The following FRMD4B variants were observed in gnomAD, a reference collection of about 807,000 sequenced individuals.
FRMD4B encodes FERM domain-containing protein 4B.
A neutral mutation model predicts 141.5 loss-of-function variants in FRMD4B; 74 were observed. The observed-to-expected ratio is 0.52, with a 90% CI of 0.43 to 0.63. The LOEUF is 0.63. Among genes scored for constraint, FRMD4B ranks in the 30% least tolerant of loss-of-function variants. The probability of loss-of-function intolerance (pLI) is 0.00; values close to 1 mark genes in which losing one functional copy is unlikely to be tolerated. For missense variants in FRMD4B, 1,366 were observed against 1,253.4 expected (o/e 1.09, Z -1.36); for synonymous variants, 506 against 467.9 (o/e 1.08, Z -1.05).
chr3:69,460,228 C>T (rs1024664848), intron 1 of FRMD4B, among the ~76,000 whole-genome samples: 1 of 152,182 alleles, frequency 6.6e-6, no homozygotes, highest in Non-Finnish European at 1.5e-5. Context: ...AGTTACGATG[C>T]CAGATGACAA....
At chr3:69,492,854 G>C (rs1313305534) in intron 1 of FRMD4B, among the ~76,000 whole-genome samples, 2 of 152,140 alleles carry the variant, frequency 1.3e-5, no homozygotes, top group Non-Finnish European at 2.9e-5. Context: ...CTTCATGGCT[G>C]GTAAACGTTT....
chr3:69,503,825 C>T (rs1212020431), intron 1 of FRMD4B, among the ~76,000 whole-genome samples: 1 of 152,170 alleles, frequency 6.6e-6, no homozygotes, highest in African/African-American at 2.4e-5. Context: ...TCCCACTGCA[C>T]TACCTTGAGT....
intron 7 of FRMD4B, among the ~76,000 whole-genome samples, 159 bp from the exon 8 acceptor site, chr3:69,224,849 T>TA (rs2093234989): frequency 6.6e-6 from 1 of 152,234 alleles, no homozygotes; most frequent in South Asian, 2.1e-4. Context: ...CCCCCAAATT[T>TA]AACAACTGAG....
At chr3:69,500,803 T>A (rs769958043) in intron 1 of FRMD4B, among the ~76,000 whole-genome samples, 1 of 151,562 alleles carries the variant, frequency 6.6e-6, no homozygotes, top group Non-Finnish European at 1.5e-5. Context: ...TTTTCTGTCA[T>A]CTCCCACAGG....
chr3:69,314,382 G>A (rs1206106999), intron 1 of FRMD4B, among the ~76,000 whole-genome samples: 1 of 151,484 alleles, frequency 6.6e-6, no homozygotes, highest in South Asian at 2.1e-4. Flanking sequence ...ACAAAAAATA[G>A]CCAGGCATGT....
intron 2 of FRMD4B, among the ~76,000 whole-genome samples, chr3:69,393,914 AT>A: frequency 6.6e-6 from 1 of 152,362 alleles, no homozygotes; most frequent in East Asian, 1.9e-4. Flanking sequence ...AAAGAAAAGC[AT>A]TTATGGCAGC....
intron 1 of FRMD4B, among the ~76,000 whole-genome samples, chr3:69,510,378 A>G (rs1384947688): frequency 2.0e-5 from 3 of 152,200 alleles, no homozygotes; most frequent in Non-Finnish European, 2.9e-5. Context: ...TATGGTGATG[A>G]TTCATAGACG....
intron 11 of FRMD4B, chr3:69,200,956 C>A (rs958604615): frequency 4.6e-6 from 2 of 432,440 alleles, no homozygotes; most frequent in African/African-American, 2.0e-5. Flanking sequence ...TTATCACTTA[C>A]AAATGTGAAA....
At chr3:69,478,832 G>A (rs1706054713) in intron 1 of FRMD4B, among the ~76,000 whole-genome samples, 3 of 151,816 alleles carry the variant, frequency 2.0e-5, no homozygotes, top group Admixed American at 2.0e-4. Context: ...ATTATTGTGT[G>A]GGAGTCTAAG....
intron 1 of FRMD4B, among the ~76,000 whole-genome samples, chr3:69,440,710 A>G (rs1300751043): frequency 6.6e-6 from 1 of 152,198 alleles, no homozygotes; most frequent in Admixed American, 6.5e-5. Context: ...TGAGGGGCTA[A>G]GGCACAAGAA....
At chr3:69,408,390 C>G (rs537095955) in intron 2 of FRMD4B, among the ~76,000 whole-genome samples, 4 of 152,268 alleles carry the variant, frequency 2.6e-5, no homozygotes, top group Non-Finnish European at 4.4e-5. Flanking sequence ...CCAAGTGCCC[C>G]CAAAGGCATC....
chr3:69,235,677 GA>G (rs1054629116), intron 7 of FRMD4B, among the ~76,000 whole-genome samples: 25 of 142,308 alleles, frequency 1.8e-4, no homozygotes, highest in Non-Finnish European at 2.6e-4. Flanking sequence ...AAAAAGAAAG[GA>G]AAAAAAAAAA....
chr3:69,376,917 G>C (rs868301617), intron 1 of FRMD4B: 1 of 152,090 alleles, frequency 6.6e-6, no homozygotes, highest in Non-Finnish European at 1.5e-5. Context: ...GGATGAATGA[G>C]AAAGTTATTT....
intron 5 of FRMD4B, among the ~76,000 whole-genome samples, chr3:69,258,846 T>G (rs1471314869): frequency 6.6e-6 from 1 of 152,094 alleles, no homozygotes; most frequent in Admixed American, 6.6e-5. Context: ...AGAAAGTTAT[T>G]TTTTCTGAAA....
At chr3:69,240,161 T>C (rs9816835) in intron 7 of FRMD4B, among the ~76,000 whole-genome samples, 95,973 of 151,840 alleles carry the variant, frequency 0.63, 32,536 homozygotes, top group South Asian at 0.81. Context: ...TTTACTACAA[T>C]TTAAAAAAAT....
intron 1 of FRMD4B, among the ~76,000 whole-genome samples, chr3:69,326,913 A>C (rs1318824800): frequency 6.6e-6 from 1 of 152,200 alleles, no homozygotes; most frequent in Non-Finnish European, 1.5e-5. Context: ...GCTTAAAACC[A>C]GTTGTTAGGC....
intron 1 of FRMD4B, among the ~76,000 whole-genome samples, chr3:69,321,460 G>T (rs2107281948): frequency 6.6e-6 from 1 of 152,224 alleles, no homozygotes; most frequent in South Asian, 2.1e-4. Context: ...TTTCTGTGCG[G>T]TCACCTTCTA....
intron 1 of FRMD4B, among the ~76,000 whole-genome samples, chr3:69,349,272 T>C (rs1200473664): frequency 6.6e-6 from 1 of 152,154 alleles, no homozygotes; most frequent in East Asian, 1.9e-4. Context: ...ACAAGGGATG[T>C]GAAAGACCTC....
chr3:69,448,339 A>C (rs1404632483), intron 1 of FRMD4B, among the ~76,000 whole-genome samples: 4 of 152,142 alleles, frequency 2.6e-5, no homozygotes, highest in Non-Finnish European at 5.9e-5. Flanking sequence ...CCCAGTACAA[A>C]TCTTTTATGG....
Sources: allele counts gnomAD v4.1 joint callset (sites outside exome capture counted in the v4.1 genomes callset), GRCh38; gene constraint gnomAD v4.1.1; transcripts MANE v1.5; gene names NCBI Gene and HGNC (gene_info 2026-07-23, HGNC 2026-07-21).